Variants in BCL11B observed in about 807,000 individuals in gnomAD.
BCL11B encodes BCL11 transcription factor B.
BCL11B carries 8 observed loss-of-function variants against 49.9 expected under a neutral mutation model. That is an observed-to-expected ratio of 0.16 (90% CI 0.09 to 0.29). The LOEUF (loss-of-function observed/expected upper bound fraction) is 0.29, where lower values mean the gene tolerates loss of function less well. BCL11B is among the 10% of genes least tolerant of loss of function. The pLI is 1.00. For missense variants in BCL11B, 1,006 were observed against 1,351.0 expected, an observed-to-expected ratio of 0.74 and a Z score of 4.00; for synonymous variants, 739 against 637.4, an observed-to-expected ratio of 1.16 and a Z score of -2.40.
intron 3 of BCL11B, among the ~76,000 whole-genome samples, chr14:99,185,624 G>A (rs2139783697): frequency 6.6e-6 from 1 of 152,232 alleles, no homozygotes; most frequent in Non-Finnish European, 1.5e-5. Context: ...GAATGAGGCA[G>A]GTCGGGGGAA....
At chr14:99,244,754 C>T (rs948246758) in intron 2 of BCL11B, among the ~76,000 whole-genome samples, 2 of 152,142 alleles carry the variant, frequency 1.3e-5, no homozygotes, top group Non-Finnish European at 1.5e-5. Context: ...GCTCAAAGTT[C>T]GGGTTAGCTA....
intron 3 of BCL11B, among the ~76,000 whole-genome samples, chr14:99,188,045 G>A (rs1377242818): frequency 6.6e-6 from 1 of 152,196 alleles, no homozygotes; most frequent in Non-Finnish European, 1.5e-5. Flanking sequence ...CTACAAACAA[G>A]TAGTAATATA....
chr14:99,249,736 G>A (rs1167519163), intron 2 of BCL11B, among the ~76,000 whole-genome samples: 1 of 152,176 alleles, frequency 6.6e-6, no homozygotes, highest in Non-Finnish European at 1.5e-5. Flanking sequence ...GCTGATATTA[G>A]CATATCATAA....
chr14:99,220,051 T>G lies in BCL11B; in HGVS notation c.640+11294A>C, dbSNP rs137894009. 4.5e-3 allele frequency among the ~76,000 whole-genome samples: 681 copies of G among 152,320 alleles called. 5 individuals carry two copies. The highest frequency in any genetic ancestry group is 0.015 in the African/African-American group (644 of 41,572). On this transcript the variant is annotated intron_variant, in intron 3 of 3. Coordinates refer to ENST00000357195, the MANE Select transcript of BCL11B (RefSeq NM_138576.4). ...GCCACATCCCTGAGAGGCAGGTTCCTTGGCTATCAACTCCAACAGTCCAAA... is the reference window on the plus strand; with the variant it reads ...GCCACATCCCTGAGAGGCAGGTTCCGTGGCTATCAACTCCAACAGTCCAAA...
chr14:99,228,679 AGCCAAAGCCAAAGATGTGGCAGG>A lies in BCL11B; in HGVS notation c.640+2643_640+2665del, dbSNP rs897574534. 5.3e-5 allele frequency among the ~76,000 whole-genome samples: 8 copies of A among 152,200 alleles called. No individual in the cohort carries two copies. The highest frequency in any genetic ancestry group is 3.9e-4 in the Admixed American group (6 of 15,284). ...AAAAGGCCTTTAATGCCAGAAGAAGAGCCAAAGCCAAAGATGTGGCAGGTGCTGGATGGAGAGCCTGGGATCAA... is the reference window on the plus strand; with the variant it reads ...AAAAGGCCTTTAATGCCAGAAGAAGATGCTGGATGGAGAGCCTGGGATCAA... On this transcript the variant is annotated intron_variant, in intron 3 of 3. Coordinates refer to ENST00000357195, the MANE Select transcript of BCL11B (RefSeq NM_138576.4). The surrounding 1 kb of genome is among the most constrained non-coding windows in gnomAD (Gnocchi z 4.8).
In BCL11B at chr14:99,174,501, G is replaced by C; in HGVS notation, c.2335C>G (p.Leu779Val). 6.5e-7 allele frequency: 1 copy of C among 1,544,934 alleles called. No homozygotes were observed. The highest frequency in any genetic ancestry group is 1.4e-5 in the African/African-American group (1 of 72,630). ...GTASGGSTPH[L>V]GGPGPGRPSS... is the part of the protein sequence containing the mutation. ...GGCCGCCCGGGGCCCGGGCCGCCCA[G>C]GTGCGGGGTGCTGCCTCCGCTGGCC... Residue 779 changes from leucine to valine, a missense_variant, in exon 4 of 4, where the codon CTG becomes GTG. Physicochemically the swap from Leu to Val is conservative, Grantham distance 32. Coordinates refer to ENST00000357195, the MANE Select transcript of BCL11B (RefSeq NM_138576.4).
chr14:99,209,369 C>T (rs1026936271), intron 3 of BCL11B, among the ~76,000 whole-genome samples: 11 of 152,280 alleles, frequency 7.2e-5, no homozygotes, highest in Middle Eastern at 3.4e-3. Context: ...GACTCCTGCG[C>T]GACCAGAGAG....
In BCL11B at chr14:99,271,305, T is replaced by TGCCGCCGCTGCCGCC. The variant is rs1255415148; in HGVS notation, c.-102_-88dup. ...GGGGTCCGAGCCGCCGCCGCGCCGC[T>TGCCGCCGCTGCCGCC]GCCGCCGCTGCCGCCGCCGCCGCCG... is the stretch of plus-strand genomic sequence containing the variant. On this transcript the variant is annotated 5_prime_UTR_variant, in exon 1 of 4. Coordinates refer to ENST00000357195, the MANE Select transcript of BCL11B (RefSeq NM_138576.4). 4.3e-5 allele frequency: 37 copies of TGCCGCCGCTGCCGCC among 850,910 alleles called. No individual in the cohort carries two copies. The highest frequency in any genetic ancestry group is 3.0e-4 in the Middle Eastern group (1 of 3,384). 52.7% of individuals were successfully genotyped at this position (850,910 alleles called of 1,614,324 possible). A position where few individuals can be genotyped will look rare whatever the true frequency, so the allele number is the denominator to read the frequency against.
At chr14:99,270,738 C>G (rs1889645783) in intron 1 of BCL11B, among the ~76,000 whole-genome samples, 1 of 151,060 alleles carries the variant, frequency 6.6e-6, no homozygotes, top group Admixed American at 6.6e-5. Context: ...CAACTTTTCC[C>G]CACTTCCCGG....
intron 3 of BCL11B, among the ~76,000 whole-genome samples, chr14:99,230,099 A>G (rs1888285106): frequency 6.6e-6 from 1 of 152,174 alleles, no homozygotes. Context: ...CACCTGTCAC[A>G]GCAGGGAGGG....
At chr14:99,203,754 C>A (rs2139825981) in intron 3 of BCL11B, among the ~76,000 whole-genome samples, 1 of 152,290 alleles carries the variant, frequency 6.6e-6, no homozygotes, top group Non-Finnish European at 1.5e-5. Flanking sequence ...GGGAGCCCCC[C>A]TACCCCCAAC....
intron 3 of BCL11B, among the ~76,000 whole-genome samples, chr14:99,222,501 G>A (rs1595260045): frequency 6.6e-6 from 1 of 152,186 alleles, no homozygotes; most frequent in Non-Finnish European, 1.5e-5. Context: ...GCTGGCGTGG[G>A]ACCACATGCC....
At chr14:99,185,884 T>C (rs1217409760) in intron 3 of BCL11B, among the ~76,000 whole-genome samples, 2 of 152,198 alleles carry the variant, frequency 1.3e-5, no homozygotes. Context: ...ATGGTATCGT[T>C]ACAGCAAGAA....
intron 1 of BCL11B, among the ~76,000 whole-genome samples, chr14:99,268,957 G>A (rs765705045): frequency 2.0e-5 from 3 of 152,150 alleles, no homozygotes; most frequent in Non-Finnish European, 4.4e-5. Context: ...TGCTGCACCA[G>A]GCACCCCTCA....
At chr14:99,225,576 GC>G (rs1405862032) in intron 3 of BCL11B, among the ~76,000 whole-genome samples, 1 of 151,946 alleles carries the variant, frequency 6.6e-6, no homozygotes. Flanking sequence ...CTATCTTATT[GC>G]CAGTGCATAA....
intron 1 of BCL11B, among the ~76,000 whole-genome samples, chr14:99,258,292 G>A (rs963578004): frequency 6.6e-6 from 1 of 152,184 alleles, no homozygotes; most frequent in African/African-American, 2.4e-5. Context: ...GTTACACTGG[G>A]AACAAACATC....
intron 2 of BCL11B, among the ~76,000 whole-genome samples, chr14:99,243,809 C>T (rs1023063605): frequency 3.3e-5 from 5 of 152,034 alleles, no homozygotes; most frequent in Admixed American, 1.3e-4. Context: ...ACAGCACCTC[C>T]GAAGGAGGCT....
At chr14:99,244,001 T>C (rs2496483) in intron 2 of BCL11B, among the ~76,000 whole-genome samples, 1 of 148,164 alleles carries the variant, frequency 6.7e-6, no homozygotes. Context: ...AAGCACACAC[T>C]GCAGGGCAGC....
intron 3 of BCL11B, among the ~76,000 whole-genome samples, chr14:99,216,856 C>T (rs937596840): frequency 6.6e-6 from 1 of 152,170 alleles, no homozygotes; most frequent in Non-Finnish European, 1.5e-5. Flanking sequence ...CTCATACACA[C>T]ACACACGCAT....
Sources: gnomAD v4.1 joint callset for allele counts (sites outside exome capture counted in the v4.1 genomes callset) on GRCh38, gnomAD v4.1.1 for gene constraint, Gnocchi (gnomAD v3.1) non-coding constraint, MANE v1.5 for transcripts, NCBI Gene and HGNC (gene_info 2026-07-23, HGNC 2026-07-21) for gene names.